C3orf20: variants seen among roughly 807,000 people sequenced by gnomAD.
The protein encoded by C3orf20 is uncharacterized protein C3orf20.
In C3orf20, 76 loss-of-function variants were observed where a neutral mutation model predicts 88.3. That is an observed-to-expected ratio of 0.86 (90% CI 0.72 to 1.04). The LOEUF (loss-of-function observed/expected upper bound fraction) is 1.04. C3orf20 is among the 50% of genes least tolerant of loss of function. The pLI, the probability that C3orf20 is intolerant of heterozygous loss-of-function variation, is 0.00. For synonymous variants in C3orf20, 436 were observed against 437.4 expected, an observed-to-expected ratio of 1.00 and a Z score of 0.04; for missense variants, 1,056 against 1,123.3, an observed-to-expected ratio of 0.94 and a Z score of 0.86.
chr3:14,688,529 C>CAAAAAAAAAAAAA (rs35979290), intron 4 of C3orf20, among the ~76,000 whole-genome samples: 5 of 105,846 alleles, frequency 4.7e-5, no homozygotes, highest in African/African-American at 7.8e-5. Flanking sequence ...GAGACTGTCT[C>CAAAAAAAAAAAAA]AAAAAAAAAA....
At chr3:14,731,624 C>T (rs957907477) in intron 12 of C3orf20, among the ~76,000 whole-genome samples, 3 of 152,134 alleles carry the variant, frequency 2.0e-5, no homozygotes, top group Admixed American at 1.3e-4. Context: ...GGGACCCAAA[C>T]CCAAGCTTTT....
intron 12 of C3orf20, among the ~76,000 whole-genome samples, chr3:14,741,332 T>C (rs115713583): frequency 3.9e-5 from 6 of 152,330 alleles, no homozygotes; most frequent in Non-Finnish European, 7.3e-5. Context: ...TTCGTGAACA[T>C]GTCAGGAGCT....
At chr3:14,749,925 T>A (rs1413960769) in intron 12 of C3orf20, among the ~76,000 whole-genome samples, 2 of 152,184 alleles carry the variant, frequency 1.3e-5, no homozygotes, top group Non-Finnish European at 2.9e-5. Flanking sequence ...AAAAAACGTC[T>A]TTATGCATTG....
At position 14,757,516 on chromosome 3, in the gene C3orf20, G is replaced by T; in HGVS notation, c.2086G>T (p.Glu696Ter). The T allele has an allele frequency of 6.2e-7, 1 of 1,614,110 alleles. No individual in the cohort carries two copies. Among genetic ancestry groups the T allele is most frequent in the Non-Finnish European group, 8.5e-7 (1 of 1,180,018 alleles). ...LVKAPLVSDV[E>*]LERFLLAPRD... ...GAAGGCGCCCCTGGTCTCTGACGTG[G>T]AGCTGGAGCGCTTCCTGTTGGCGCC... Residue 696 changes from glutamate to a stop codon, truncating the protein, a stop_gained, in exon 13 of 17, where the codon GAG becomes TAG. Coordinates refer to ENST00000253697, the MANE Select transcript of C3orf20 (RefSeq NM_032137.5). LOFTEE classifies it high-confidence loss of function.
chr3:14,682,934 G>T lies in C3orf20; in HGVS notation c.221G>T (p.Gly74Val). 6.2e-7 allele frequency: 1 copy of T among 1,614,104 alleles called. No homozygotes were observed. The stretch of plus-strand genomic sequence containing the variant: ...ATCTTGGGCCTGGAGGTCAGCTTTG[G>T]AGCCCCCCTGGTGGTGCTCATGGAA... ...SDILGLEVSF[G>V]APLVVLMEPT... Residue 74 changes from glycine (G) to valine (V), a missense_variant, in exon 3 of 17, where the codon GGA (glycine) becomes GTA (valine). By Grantham distance (109) the Gly-to-Val change is moderately radical. Coordinates refer to ENST00000253697, the MANE Select transcript of C3orf20 (RefSeq NM_032137.5).
chr3:14,726,799 T>A, intron 10 of C3orf20, 102 bp from the exon 11 acceptor site: 1 of 1,529,548 alleles, frequency 6.5e-7, no homozygotes, highest in Non-Finnish European at 8.9e-7. Flanking sequence ...GGGCAGGCAA[T>A]AGCACATCCT....
chr3:14,736,444 C>A (rs1162812102), intron 12 of C3orf20, among the ~76,000 whole-genome samples: 2 of 152,068 alleles, frequency 1.3e-5, no homozygotes, highest in Admixed American at 6.5e-5. Flanking sequence ...GCGTGTGCCA[C>A]CATACCTGGC....
intron 4 of C3orf20, 34 bp from the exon 5 acceptor site, chr3:14,689,963 G>A (rs1292373090): frequency 3.6e-5 from 58 of 1,613,516 alleles, no homozygotes; most frequent in Non-Finnish European, 4.8e-5. Context: ...AAAGTAAACA[G>A]TTGAAAGAAG....
intron 5 of C3orf20, among the ~76,000 whole-genome samples, chr3:14,698,961 T>TGTG (rs2033130434): frequency 6.6e-6 from 1 of 152,176 alleles, no homozygotes; most frequent in Non-Finnish European, 1.5e-5. Context: ...TATTGTACTG[T>TGTG]GGCTGAGCTG....
chr3:14,719,145 T>C (rs1363734180), intron 9 of C3orf20, among the ~76,000 whole-genome samples: 1 of 149,526 alleles, frequency 6.7e-6, no homozygotes, highest in African/African-American at 2.5e-5. Context: ...TTTTTTTTAA[T>C]TTTTTCAAGC....
At chr3:14,685,746 C>G (rs137941694) in intron 4 of C3orf20, among the ~76,000 whole-genome samples, 2 of 152,042 alleles carry the variant, frequency 1.3e-5, no homozygotes, top group Non-Finnish European at 2.9e-5. Flanking sequence ...TTTTTAGATT[C>G]CTCATGTATG....
chr3:14,686,659 A>G (rs2032446867), intron 4 of C3orf20, among the ~76,000 whole-genome samples: 1 of 152,188 alleles, frequency 6.6e-6, no homozygotes, highest in African/African-American at 2.4e-5. Flanking sequence ...TCCTTAATCC[A>G]TTTTTAAATC....
chr3:14,747,344 A>G (rs2035085861), intron 12 of C3orf20, among the ~76,000 whole-genome samples: 6 of 152,226 alleles, frequency 3.9e-5, no homozygotes, highest in Admixed American at 3.9e-4. Flanking sequence ...CTCTGGTTAT[A>G]GTGGTTATGG....
chr3:14,718,327 G>T (rs552591329), intron 9 of C3orf20, among the ~76,000 whole-genome samples: 157 of 152,006 alleles, frequency 1.0e-3, no homozygotes, highest in Middle Eastern at 3.4e-3. Flanking sequence ...CTACTATTAT[G>T]ATAATAATAT....
intron 7 of C3orf20, among the ~76,000 whole-genome samples, chr3:14,709,298 T>G (rs777956969): frequency 5.3e-5 from 8 of 152,348 alleles, no homozygotes; most frequent in Non-Finnish European, 7.3e-5. Flanking sequence ...TAAAATCATG[T>G]CATCTGCCAA....
At chr3:14,700,927 A>C (rs2033236502) in intron 5 of C3orf20, among the ~76,000 whole-genome samples, 1 of 152,236 alleles carries the variant, frequency 6.6e-6, no homozygotes, top group Non-Finnish European at 1.5e-5. Context: ...GACTTTCAGC[A>C]TCAGTTCCAG....
At chr3:14,740,835 A>G (rs1009343253) in intron 12 of C3orf20, among the ~76,000 whole-genome samples, 5 of 152,080 alleles carry the variant, frequency 3.3e-5, no homozygotes, top group Non-Finnish European at 5.9e-5. Context: ...TTTCACTTTT[A>G]GAATTTCCAG....
At chr3:14,758,413 C>A (rs1354740062) in intron 13 of C3orf20, among the ~76,000 whole-genome samples, 1 of 152,166 alleles carries the variant, frequency 6.6e-6, no homozygotes, top group Non-Finnish European at 1.5e-5. Context: ...GCCTACTCAT[C>A]GCTGCAGTAG....
At chr3:14,689,428 T>C (rs1382123704) in intron 4 of C3orf20, among the ~76,000 whole-genome samples, 1 of 152,204 alleles carries the variant, frequency 6.6e-6, no homozygotes. Context: ...GAAATGACTA[T>C]ATTTGGGGGA....
Sources: gnomAD v4.1 joint callset for allele counts (sites outside exome capture counted in the v4.1 genomes callset) on GRCh38, gnomAD v4.1.1 for gene constraint, MANE v1.5 for transcripts, NCBI Gene and HGNC (gene_info 2026-07-23, HGNC 2026-07-21) for gene names.